The following PDE4B variants were observed in gnomAD, a reference collection of about 807,000 sequenced individuals.
PDE4B encodes 3',5'-cyclic-AMP phosphodiesterase 4B.
PDE4B carries 20 observed loss-of-function variants against 82.2 expected under a neutral mutation model. The observed-to-expected ratio is 0.24, with a 90% CI of 0.17 to 0.35. The LOEUF is 0.35. PDE4B is among the 10% of genes least tolerant of loss of function. The pLI, the probability that PDE4B is intolerant of heterozygous loss-of-function variation, is 1.00. For missense variants in PDE4B, 655 were observed against 907.2 expected, an observed-to-expected ratio of 0.72 and a Z score of 3.57; for synonymous variants, 320 against 318.9, an observed-to-expected ratio of 1.00 and a Z score of -0.04.
chr1:65,941,214 T>A (rs1450332133), intron 3 of PDE4B, among the ~76,000 whole-genome samples: 1 of 151,976 alleles, frequency 6.6e-6, no homozygotes, highest in Non-Finnish European at 1.5e-5. Context: ...CAGAGGAATT[T>A]CTCTTCTTTG....
At chr1:66,112,050 C>A (rs1645498731) in intron 3 of PDE4B, among the ~76,000 whole-genome samples, 1 of 151,984 alleles carries the variant, frequency 6.6e-6, no homozygotes, top group South Asian at 2.1e-4. Flanking sequence ...TACCAAAGAG[C>A]AATGTATATA....
intron 3 of PDE4B, among the ~76,000 whole-genome samples, chr1:66,129,606 G>GC (rs1186148319): frequency 7.0e-6 from 1 of 142,116 alleles, no homozygotes; most frequent in East Asian, 2.1e-4. Flanking sequence ...CTTGCAGTGA[G>GC]CCGAGATCCC....
intron 7 of PDE4B, among the ~76,000 whole-genome samples, chr1:66,319,789 C>G (rs1050072370): frequency 1.3e-5 from 2 of 152,212 alleles, no homozygotes; most frequent in African/African-American, 4.8e-5. Context: ...TGGTCTATAA[C>G]TGCAAAGAAT....
intron 1 of PDE4B, among the ~76,000 whole-genome samples, chr1:65,801,327 C>T (rs1004501036): frequency 6.6e-6 from 1 of 152,154 alleles, no homozygotes; most frequent in Non-Finnish European, 1.5e-5. Flanking sequence ...ATATAAACCC[C>T]TTAATTGTTT....
At chr1:66,194,901 A>G (rs563258676) in intron 3 of PDE4B, among the ~76,000 whole-genome samples, 48 of 152,280 alleles carry the variant, frequency 3.2e-4, no homozygotes, top group African/African-American at 1.1e-3. Flanking sequence ...TGAGAATTAA[A>G]TGAGATTATA....
chr1:66,356,460 G>C lies in PDE4B; in HGVS notation c.841+840G>C, dbSNP rs928465022. On this transcript the variant is annotated intron_variant, in intron 9 of 16. Transcript: ENST00000341517. ...ATCTGTACATCAAAGTAAATGGATA[G>C]CATTTAGATTCTGATTTTGTTGACT... is the stretch of plus-strand genomic sequence containing the variant. 4.6e-5 allele frequency among the ~76,000 whole-genome samples: 7 copies of C among 152,170 alleles called. No individual in the cohort carries two copies. The East Asian group carries it at 1.3e-3, about 29-fold the overall frequency.
intron 3 of PDE4B, among the ~76,000 whole-genome samples, chr1:66,069,939 T>G (rs1656065413): frequency 1.3e-5 from 2 of 152,032 alleles, no homozygotes; most frequent in African/African-American, 2.4e-5. Context: ...TGTTATAATA[T>G]TCCTTCCATT....
intron 3 of PDE4B, among the ~76,000 whole-genome samples, chr1:66,002,793 T>G (rs1651934702): frequency 6.6e-6 from 1 of 152,132 alleles, no homozygotes; most frequent in Non-Finnish European, 1.5e-5. Context: ...CTAGAACTAA[T>G]TTAATTGTCC....
chr1:66,105,415 C>A (rs554088604), intron 3 of PDE4B, among the ~76,000 whole-genome samples: 6 of 151,886 alleles, frequency 4.0e-5, no homozygotes, highest in African/African-American at 1.5e-4. Flanking sequence ...ATTGACTTGG[C>A]GATGCGGGCT....
rs549270388 is a variant in PDE4B, at chr1:66,270,884, A to G, written c.634+4797A>G. 3.3e-5 allele frequency among the ~76,000 whole-genome samples: 5 copies of G among 152,388 alleles called. No individual in the cohort carries two copies. In the South Asian group the frequency reaches 1.0e-3, roughly 32 times the overall value. ...TATTCTGAATTCTGTGTGCTGAATT[A>G]ATGGAATAATTGCCTTAATTACTCG... On this transcript the variant is annotated intron_variant, in intron 7 of 16. Coordinates refer to ENST00000341517, the MANE Select transcript of PDE4B (RefSeq NM_002600.4).
intron 1 of PDE4B, among the ~76,000 whole-genome samples, chr1:65,874,608 A>G (rs1187471237): frequency 3.9e-5 from 6 of 152,142 alleles, no homozygotes; most frequent in Non-Finnish European, 7.4e-5. Flanking sequence ...ATATAGATCA[A>G]TGGAACAGAA....
At chr1:66,263,781 C>T (rs1398030811) in intron 6 of PDE4B, among the ~76,000 whole-genome samples, 1 of 151,756 alleles carries the variant, frequency 6.6e-6, no homozygotes, top group Non-Finnish European at 1.5e-5. Flanking sequence ...CTTAAGTTAA[C>T]CTTAACTTAA....
At chr1:66,212,827 A>T (rs1213102179) in intron 3 of PDE4B, among the ~76,000 whole-genome samples, 4 of 152,192 alleles carry the variant, frequency 2.6e-5, no homozygotes, top group Non-Finnish European at 5.9e-5. Context: ...AATAACAAGG[A>T]TAAAGTGGAA....
chr1:66,070,848 T>A (rs1014316930), intron 3 of PDE4B, among the ~76,000 whole-genome samples: 1 of 152,108 alleles, frequency 6.6e-6, no homozygotes, highest in Non-Finnish European at 1.5e-5. Context: ...AGAACATGTT[T>A]TTCTATCTTG....
chr1:66,185,290 G>C (rs112598664), intron 3 of PDE4B, among the ~76,000 whole-genome samples: 5 of 152,064 alleles, frequency 3.3e-5, no homozygotes, highest in African/African-American at 1.2e-4. Context: ...GAATAGTGCC[G>C]CAATAAACAT....
intron 7 of PDE4B, among the ~76,000 whole-genome samples, chr1:66,293,722 G>C (rs887821229): frequency 6.6e-6 from 1 of 152,064 alleles, no homozygotes; most frequent in African/African-American, 2.4e-5. Context: ...AAAATCTTTA[G>C]AAACCAAGAA....
chr1:65,907,961 T>G (rs1296102671), intron 1 of PDE4B, among the ~76,000 whole-genome samples: 1 of 152,176 alleles, frequency 6.6e-6, no homozygotes, highest in Non-Finnish European at 1.5e-5. Context: ...TACCTCGCTC[T>G]GAGGCAGAGG....
chr1:65,992,967 A>C, intron 3 of PDE4B: 1 of 1,614,000 alleles, frequency 6.2e-7, no homozygotes, highest in Middle Eastern at 1.7e-4. Flanking sequence ...TTGCATAAAG[A>C]CTTTCAAGGA....
At chr1:65,972,244 T>C (rs959896343) in intron 3 of PDE4B, among the ~76,000 whole-genome samples, 7 of 152,210 alleles carry the variant, frequency 4.6e-5, no homozygotes, top group Non-Finnish European at 7.3e-5. Context: ...TGGGAATCAG[T>C]TTGCCATTTA....
Sources: gnomAD v4.1 joint callset for allele counts (sites outside exome capture counted in the v4.1 genomes callset) on GRCh38, gnomAD v4.1.1 for gene constraint, MANE v1.5 for transcripts, NCBI Gene and HGNC (gene_info 2026-07-23, HGNC 2026-07-21) for gene names.